NPHP4: variants seen among roughly 807,000 people sequenced by gnomAD.
NPHP4 encodes nephrocystin-4.
A neutral mutation model predicts 155.8 loss-of-function variants in NPHP4; 151 were observed. The observed-to-expected ratio is 0.97, with a 90% confidence interval of 0.85 to 1.11. The LOEUF is 1.11. NPHP4 is among the 50% of genes least tolerant of loss of function. The pLI, the probability that NPHP4 is intolerant of heterozygous loss-of-function variation, is 0.00. For synonymous variants in NPHP4, 845 were observed against 816.8 expected (o/e 1.03, Z -0.59); for missense variants, 1,956 against 1,925.7 (o/e 1.02, Z -0.29).
intron 18 of NPHP4, chr1:5,886,974 T>A: frequency 3.1e-6 from 1 of 318,802 alleles, no homozygotes; most frequent in Non-Finnish European, 5.8e-6. Context: ...AAGTCTCTCC[T>A]GGAACCCAGT....
At chr1:5,865,035 ATGCCCACTGCCCGTC>A in intron 27 of NPHP4, 52 bp downstream of exon 27, 6 of 1,519,854 alleles carry the variant, frequency 3.9e-6, no homozygotes, top group Non-Finnish European at 5.5e-6. Context: ...CTCCAGCTGA[ATGCCCACTGCCCGTC>A]TCCAGGCTGG....
chr1:5,880,878 G>C (rs1467711357), intron 18 of NPHP4: 2 of 153,028 alleles, frequency 1.3e-5, no homozygotes, highest in African/African-American at 4.8e-5. Flanking sequence ...CAACCTCGGT[G>C]TGGCCTTTAC....
chr1:5,951,191 AGGGTGCCTCTGT>A (rs1195688485), intron 7 of NPHP4, among the ~76,000 whole-genome samples: 2 of 152,218 alleles, frequency 1.3e-5, no homozygotes, highest in Admixed American at 6.5e-5. Context: ...CGAGGCTCTG[AGGGTGCCTCTGT>A]GGGTGCCGGG....
intron 1 of NPHP4, among the ~76,000 whole-genome samples, chr1:5,990,185 C>T (rs1656026913): frequency 6.6e-6 from 1 of 152,160 alleles, no homozygotes; most frequent in Non-Finnish European, 1.5e-5. Flanking sequence ...AGCGAGAGCC[C>T]CATCCCCCAC....
chr1:5,965,877 G>T (rs1025917855), intron 5 of NPHP4, among the ~76,000 whole-genome samples: 3 of 152,148 alleles, frequency 2.0e-5, no homozygotes, highest in Middle Eastern at 3.4e-3. Context: ...ACTTCCCCTC[G>T]GGTCCTGCCA....
At position 5,905,747 on chromosome 1, in the gene NPHP4, C is replaced by A; in HGVS notation, c.1648G>T (p.Glu550Ter). The change falls in exon 14 of 30, where the codon GAA becomes TAA. Residue 550 changes from glutamate (E) to a stop codon, truncating the protein, a stop_gained. Coordinates refer to ENST00000378156, the MANE Select transcript of NPHP4 (RefSeq NM_015102.5). LOFTEE classifies it high-confidence loss of function. This position sits in a 1 kb window ranked among gnomAD's most constrained non-coding sequence, Gnocchi z 4.0. ...AGGGAGGTCTGGCTCAGGTCGGCTT[C>A]CAGGTGGGAGATACCGGCCTCCAAC... ...FPLEAGISHL[E>*]ADLSQTSLVL... 1.2e-6 allele frequency: 2 copies of A among 1,612,428 alleles called. No homozygotes were observed. The highest frequency in any genetic ancestry group is 1.7e-6 in the Non-Finnish European group (2 of 1,179,228).
intron 13 of NPHP4, among the ~76,000 whole-genome samples, chr1:5,906,288 T>A (rs1167348289): frequency 1.3e-5 from 2 of 152,258 alleles, no homozygotes; most frequent in African/African-American, 4.8e-5. Flanking sequence ...AAACTTCTTG[T>A]CATTCACTCG....
intron 20 of NPHP4, among the ~76,000 whole-genome samples, chr1:5,875,648 A>G (rs1317631382): frequency 6.6e-6 from 1 of 152,226 alleles, no homozygotes; most frequent in Admixed American, 6.5e-5. Context: ...GGGCTTGGCC[A>G]GCACACATGG....
rs145255635 is a variant in NPHP4, at chr1:5,905,773, G to A, written c.1622C>T (p.Pro541Leu). 875 of 1,607,132 alleles carry A rather than the reference G, an allele frequency of 5.4e-4. 6 individuals carry two copies. In the African/African-American group the frequency reaches 8.7e-3, roughly 16 times the overall value. The part of the protein sequence containing the change: ...QASPAQAQEF[P>L]LEAGISHLEA... ...CAGGTGGGAGATACCGGCCTCCAAC[G>A]GGAACTCCTGCTGAACAAAACGAGG... is the stretch of plus-strand genomic sequence containing the variant. The change falls in exon 14 of 30, where the codon CCG becomes CTG. Residue 541 changes from proline to leucine, a missense_variant. Coordinates refer to ENST00000378156, the MANE Select transcript of NPHP4 (RefSeq NM_015102.5). This position sits in a 1 kb window ranked among gnomAD's most constrained non-coding sequence, Gnocchi z 4.0.
At chr1:5,964,943 T>TA (rs1429197471) in intron 5 of NPHP4, among the ~76,000 whole-genome samples, 92 of 52,396 alleles carry the variant, frequency 1.8e-3, no homozygotes, top group South Asian at 3.7e-3. Flanking sequence ...ATATATATAT[T>TA]TTTTTTTTTT....
intron 23 of NPHP4, 112 bp from the exon 24 acceptor site, chr1:5,868,008 C>A: frequency 8.5e-7 from 1 of 1,173,610 alleles, no homozygotes; most frequent in South Asian, 1.3e-5. Flanking sequence ...CCCTCACCCT[C>A]CACTGCCATG....
chr1:5,917,417 G>C (rs187837540), intron 11 of NPHP4, among the ~76,000 whole-genome samples: 55 of 150,954 alleles, frequency 3.6e-4, no homozygotes, highest in African/African-American at 1.2e-3. Flanking sequence ...GGGAGGGGAG[G>C]GGGTAGGGGC....
intron 11 of NPHP4, among the ~76,000 whole-genome samples, chr1:5,924,936 A>G (rs1645921662): frequency 2.6e-5 from 4 of 152,200 alleles, no homozygotes; most frequent in Admixed American, 1.3e-4. Flanking sequence ...GATTACATGC[A>G]TGAGCCACCA....
At chr1:5,932,659 TTA>T (rs1491463645) in intron 10 of NPHP4, among the ~76,000 whole-genome samples, 13 of 140,868 alleles carry the variant, frequency 9.2e-5, no homozygotes, top group African/African-American at 3.6e-4. Context: ...CATTTCAGAA[TTA>T]AAAAAAAAAA....
At chr1:5,967,886 G>T (rs567428089) in intron 4 of NPHP4, among the ~76,000 whole-genome samples, 3 of 151,972 alleles carry the variant, frequency 2.0e-5, no homozygotes, top group Non-Finnish European at 4.4e-5. Flanking sequence ...TTATCCATTC[G>T]CAAGTCAGTG....
rs1644874586 is a variant in NPHP4, at chr1:5,905,550, G to A, written c.1764-67C>T. ...GGGACCCATTGATGCACCTCCCTGTGGAAACCCTGGGGTTCACAAGGTCCA... is the reference window on the plus strand; with the variant it reads ...GGGACCCATTGATGCACCTCCCTGTAGAAACCCTGGGGTTCACAAGGTCCA... On this transcript the variant is annotated intron_variant, in intron 14 of 29. Coordinates refer to ENST00000378156, the MANE Select transcript of NPHP4 (RefSeq NM_015102.5). The surrounding 1 kb of genome is among the most constrained non-coding windows in gnomAD (Gnocchi z 4.0). The A allele has an allele frequency of 1.3e-6, 2 of 1,599,218 alleles. No individual in the cohort carries two copies. The highest frequency in any genetic ancestry group is 1.7e-6 in the Non-Finnish European group (2 of 1,168,664).
intron 11 of NPHP4, among the ~76,000 whole-genome samples, chr1:5,914,193 G>A (rs1317428197): frequency 1.4e-5 from 2 of 143,960 alleles, no homozygotes; most frequent in African/African-American, 2.6e-5. Flanking sequence ...GCCAAGGCAG[G>A]AGGACTGTTT....
chr1:5,952,756 G>A lies in NPHP4; in HGVS notation c.754C>T (p.Leu252=). The A allele has an allele frequency of 6.4e-7, 1 of 1,574,416 alleles. No homozygotes were observed. Among genetic ancestry groups the A allele is most frequent in the Non-Finnish European group, 8.6e-7 (1 of 1,159,662 alleles). Residue 252 remains leucine (L), a synonymous_variant, in exon 7 of 30, where the codon CTG becomes TTG. Transcript: ENST00000378156. ...AGCAGCTCTTCCTCAAACTTCTCCAGGGAGGGGTACAGGGTGAAGAATAAG... is the reference window on the plus strand; with the variant it reads ...AGCAGCTCTTCCTCAAACTTCTCCAAGGAGGGGTACAGGGTGAAGAATAAG... ...DDLFFTLYPS[L]EKFEEELLEL...
chr1:5,948,292 A>T (rs1470511612), intron 7 of NPHP4, 41 bp from the exon 8 acceptor site: 4 of 1,462,864 alleles, frequency 2.7e-6, no homozygotes, highest in Non-Finnish European at 3.6e-6. Flanking sequence ...GCACAGACGG[A>T]AAGAGGGAGC....
Sources: gnomAD v4.1 joint callset for allele counts (sites outside exome capture counted in the v4.1 genomes callset) on GRCh38, gnomAD v4.1.1 for gene constraint, Gnocchi (gnomAD v3.1) non-coding constraint, MANE v1.5 for transcripts, NCBI Gene and HGNC (gene_info 2026-07-23, HGNC 2026-07-21) for gene names.